NANOS3: variants seen among roughly 807,000 people sequenced by gnomAD.
The protein encoded by NANOS3 is nanos C2HC-type zinc finger 3.
A neutral mutation model predicts 13.8 loss-of-function variants in NANOS3; 11 were observed. That is an observed-to-expected ratio of 0.80 (90% CI 0.50 to 1.32). The LOEUF is 1.32. Among genes scored for constraint, NANOS3 ranks in the 40% most tolerant of loss-of-function variants. The pLI, the probability that NANOS3 is intolerant of heterozygous loss-of-function variation, is 0.00. For missense variants in NANOS3, 221 were observed against 263.8 expected, an observed-to-expected ratio of 0.84 and a Z score of 1.12; for synonymous variants, 119 against 115.4, an observed-to-expected ratio of 1.03 and a Z score of -0.20.
chr19:13,877,146 G>A lies in NANOS3; in HGVS notation c.-103G>A. The A allele has an allele frequency of 1.0e-6, 1 of 983,338 alleles. No individual in the cohort carries two copies. The highest frequency in any genetic ancestry group is 1.5e-6 in the Non-Finnish European group (1 of 652,768). The allele number at this position is 983,338 out of a possible 1,614,324, so 60.9% of individuals were successfully genotyped here. ...AGCACAGACTCCCAGGCTCCAGAGA[G>A]GGGAAGGAAGGGGCAGCAGAGAGGG... On this transcript the variant is annotated 5_prime_UTR_variant, in exon 1 of 2. Transcript: ENST00000339133.
upstream of NANOS3, among the ~76,000 whole-genome samples, chr19:13,876,308 TTGTGTG>T (rs111824565): frequency 6.7e-5 from 10 of 149,194 alleles, no homozygotes; most frequent in East Asian, 3.9e-4. Context: ...CCAGCTAATT[TTGTGTG>T]TGTGTGTGTG....
chr19:13,866,353 CCAT>C (rs1344286458), intron 1 of NANOS3, among the ~76,000 whole-genome samples: 5 of 151,854 alleles, frequency 3.3e-5, no homozygotes, highest in African/African-American at 9.7e-5. Flanking sequence ...TCCCCTCCCC[CCAT>C]CTCTTTCCCT....
chr19:13,873,253 G>A (rs906482676), upstream of NANOS3, among the ~76,000 whole-genome samples: 1 of 148,156 alleles, frequency 6.7e-6, no homozygotes, highest in Admixed American at 6.7e-5. Flanking sequence ...TTGGCTGGTG[G>A]CTCCAGACTG....
upstream of NANOS3, chr19:13,865,366 T>G (rs993999599): frequency 2.2e-5 from 3 of 138,322 alleles, no homozygotes; most frequent in African/African-American, 8.0e-5. Flanking sequence ...TGCAGGCGCC[T>G]CGGGCCCGGG....
intron 1 of NANOS3, among the ~76,000 whole-genome samples, chr19:13,879,384 T>A (rs143571999): frequency 1.3e-3 from 193 of 152,310 alleles, no homozygotes; most frequent in African/African-American, 4.4e-3. Flanking sequence ...GGATAGTGAC[T>A]GGGAGAGGAC....
intron 1 of NANOS3, among the ~76,000 whole-genome samples, chr19:13,867,955 A>G (rs1976267215): frequency 6.6e-6 from 1 of 152,152 alleles, no homozygotes; most frequent in Non-Finnish European, 1.5e-5. Context: ...ACACATGCAT[A>G]CACACTGGCA....
rs1328871480 is a variant in NANOS3, at chr19:13,877,323, T to C, written c.75T>C (p.Gly25=). 2 of 1,612,794 alleles carry C rather than the reference T, an allele frequency of 1.2e-6. No homozygotes were observed. The highest frequency in any genetic ancestry group is 8.5e-7 in the Non-Finnish European group (1 of 1,179,978). Residue 25 remains glycine, a synonymous_variant, in exon 1 of 2, where the codon GGT becomes GGC. Coordinates refer to ENST00000339133, the MANE Select transcript of NANOS3 (RefSeq NM_001098622.3). ...HLVRALSGKE[G]PETRLSPQPE... ...TTAGGGCTCTGAGTGGGAAAGAGGG[T>C]CCTGAAACCAGGCTGAGCCCCCAGC...
At chr19:13,869,104 C>G (rs1216869290) in intron 1 of NANOS3, among the ~76,000 whole-genome samples, 1 of 152,190 alleles carries the variant, frequency 6.6e-6, no homozygotes, top group African/African-American at 2.4e-5. Context: ...GGAGCCCACC[C>G]TGACCCCAAA....
chr19:13,878,308 G>C, intron 1 of NANOS3, among the ~76,000 whole-genome samples: 1 of 151,970 alleles, frequency 6.6e-6, no homozygotes, highest in East Asian at 1.9e-4. Flanking sequence ...GCATGATCTT[G>C]GCTCACTGCA....
intron 1 of NANOS3, among the ~76,000 whole-genome samples, chr19:13,869,680 C>A (rs1288913497): frequency 6.6e-6 from 1 of 151,682 alleles, no homozygotes; most frequent in African/African-American, 2.4e-5. Context: ...GTCGCTGGAA[C>A]CCCCATAATG....
At chr19:13,866,315 CGTCCCCCCCACGGTCCCACACTTCG>C (rs1055926438) in intron 1 of NANOS3, among the ~76,000 whole-genome samples, 5 of 151,804 alleles carry the variant, frequency 3.3e-5, no homozygotes, top group African/African-American at 1.2e-4. Flanking sequence ...GGGACTGAGA[CGTCCCCCCCACGGTCCCACACTTCG>C]GTTCCCCTCC....
At chr19:13,869,593 G>A (rs1188332480) in intron 1 of NANOS3, among the ~76,000 whole-genome samples, 3 of 151,864 alleles carry the variant, frequency 2.0e-5, no homozygotes, top group Admixed American at 6.6e-5. Context: ...TCACTGAAAC[G>A]AGACACCCCT....
chr19:13,862,652 C>T (rs1453790842), upstream of NANOS3, among the ~76,000 whole-genome samples: 1 of 152,088 alleles, frequency 6.6e-6, no homozygotes, highest in Admixed American at 6.5e-5. Context: ...GATTCTCATG[C>T]TTTAGCTTCC....
At position 13,877,291 on chromosome 19, in the gene NANOS3, C is replaced by A. The variant is rs765688211; in HGVS notation, c.43C>A (p.His15Asn). The A allele has an allele frequency of 1.9e-6, 3 of 1,613,080 alleles. No individual in the cohort carries two copies. The highest frequency in any genetic ancestry group is 2.5e-6 in the Non-Finnish European group (3 of 1,179,854). ...DLWTDYLGLAHLVRALSGKEG... is the reference protein window; with the variant it reads ...DLWTDYLGLANLVRALSGKEG... ...GTGGACAGATTACCTGGGTTTGGCA[C>A]ACCTGGTTAGGGCTCTGAGTGGGAA... The change falls in exon 1 of 2, where the codon CAC (histidine) becomes AAC (asparagine). Residue 15 changes from histidine to asparagine, a missense_variant. Around this residue, in one of 3 missense-constraint regions of NANOS3, gnomAD observed 112 missense variants for 116.3 expected, o/e 0.96. Coordinates refer to ENST00000339133, the MANE Select transcript of NANOS3 (RefSeq NM_001098622.3).
upstream of NANOS3, among the ~76,000 whole-genome samples, chr19:13,876,986 C>A (rs970233776): frequency 6.6e-6 from 1 of 152,128 alleles, no homozygotes; most frequent in African/African-American, 2.4e-5. Flanking sequence ...TGTAGTCCCC[C>A]GGCACAGCCA....
chr19:13,866,992 T>G (rs1355372366), intron 1 of NANOS3, among the ~76,000 whole-genome samples: 1 of 152,154 alleles, frequency 6.6e-6, no homozygotes. Context: ...AGATGGAGTC[T>G]CTCTTGGCTG....
chr19:13,874,113 G>A (rs1968457736), upstream of NANOS3, among the ~76,000 whole-genome samples: 1 of 152,094 alleles, frequency 6.6e-6, no homozygotes, highest in Non-Finnish European at 1.5e-5. Context: ...CGCCCTCTCT[G>A]AACCTCCTGC....
chr19:13,873,081 T>C (rs181022620), upstream of NANOS3, among the ~76,000 whole-genome samples: 9 of 151,184 alleles, frequency 6.0e-5, no homozygotes, highest in African/African-American at 1.9e-4. Flanking sequence ...TGGAGGGCTC[T>C]AAGGGGGCGG....
At chr19:13,865,189 G>C (rs1599296413), upstream of NANOS3, among the ~76,000 whole-genome samples, 2 of 150,692 alleles carry the variant, frequency 1.3e-5, no homozygotes, top group East Asian at 3.9e-4. Flanking sequence ...GAGGGAGGGG[G>C]CGGCGGCAGC....
Sources: allele counts gnomAD v4.1 joint callset (sites outside exome capture counted in the v4.1 genomes callset), GRCh38; gene constraint gnomAD v4.1.1; regional missense constraint gnomAD v4.1.1; transcripts MANE v1.5; gene names NCBI Gene and HGNC (gene_info 2026-07-23, HGNC 2026-07-21).